ZNF341: variants seen among roughly 807,000 people sequenced by gnomAD.
ZNF341 encodes zinc finger protein 341.
A neutral mutation model predicts 87.7 loss-of-function variants in ZNF341; 52 were observed. The observed-to-expected ratio is 0.59, with a 90% CI of 0.47 to 0.75. The LOEUF is 0.75. ZNF341 is among the 30% of genes least tolerant of loss of function. The probability of loss-of-function intolerance (pLI) is 0.00; values close to 1 mark genes in which losing one functional copy is unlikely to be tolerated. For missense variants in ZNF341, 977 were observed against 1,145.9 expected (o/e 0.85, Z 2.13); for synonymous variants, 459 against 472.7 (o/e 0.97, Z 0.38).
chr20:33,746,314 A>G (rs941432295), intron 3 of ZNF341, among the ~76,000 whole-genome samples: 3 of 138,264 alleles, frequency 2.2e-5, no homozygotes, highest in Non-Finnish European at 4.6e-5. Context: ...GCTCACTGCA[A>G]CCTCCGCCTC....
At chr20:33,789,017 A>G (rs1235205192) in intron 13 of ZNF341, 43 bp downstream of exon 13, 4 of 1,371,920 alleles carry the variant, frequency 2.9e-6, no homozygotes, top group Non-Finnish European at 4.1e-6. Flanking sequence ...AGCGGGACAG[A>G]TTCTCCAGGG....
chr20:33,733,883 C>T (rs1245808217), intron 1 of ZNF341, among the ~76,000 whole-genome samples: 1 of 152,208 alleles, frequency 6.6e-6, no homozygotes, highest in African/African-American at 2.4e-5. Context: ...AATAAGATGA[C>T]CTCAGCTGGC....
intron 12 of ZNF341, chr20:33,787,590 T>C (rs966810657): frequency 1.3e-5 from 2 of 152,226 alleles, no homozygotes; most frequent in African/African-American, 4.8e-5. Context: ...TCCCTTGATT[T>C]CCTGTGGGTT....
intron 4 of ZNF341, chr20:33,752,652 CTTT>C (rs956277736): frequency 5.5e-3 from 958 of 174,680 alleles, no homozygotes; most frequent in South Asian, 0.013. Flanking sequence ...ATTTTCTTTT[CTTT>C]TTTTTTTTTT....
At chr20:33,750,621 T>G (rs1372622608) in intron 4 of ZNF341, among the ~76,000 whole-genome samples, 1 of 148,578 alleles carries the variant, frequency 6.7e-6, no homozygotes, top group Non-Finnish European at 1.5e-5. Context: ...GGTGCCAACA[T>G]ACTTGGCTAA....
At chr20:33,783,934 C>G (rs1601289389) in intron 12 of ZNF341, 70 bp downstream of exon 12, 37 of 1,423,668 alleles carry the variant, frequency 2.6e-5, no homozygotes, top group Non-Finnish European at 3.4e-5. Context: ...TCATGCCTTT[C>G]TCTCTCTTCC....
rs1867356494 is a variant in ZNF341 at position 33,732,662 on chromosome 20, C to T, written c.31+610C>T. Among the ~76,000 whole-genome samples the T allele has an allele frequency of 6.6e-6, 1 of 152,230 alleles. No individual in the cohort carries two copies. The highest frequency in any genetic ancestry group is 2.4e-5 in the African/African-American group (1 of 41,462). ...TGCAGTTTTACAAATTAAACTGACA[C>T]CGTGGGTGCTGGCGCGGTGTGCCCG... is the stretch of plus-strand genomic sequence containing the variant. On this transcript the variant is annotated intron_variant, in intron 1 of 14. Coordinates refer to ENST00000375200, the MANE Select transcript of ZNF341 (RefSeq NM_001282933.2). This position sits in a 1 kb window ranked among gnomAD's most constrained non-coding sequence, Gnocchi z 4.5.
intron 9 of ZNF341, among the ~76,000 whole-genome samples, chr20:33,769,382 G>C (rs1469638272): frequency 1.6e-4 from 24 of 149,934 alleles, no homozygotes; most frequent in Non-Finnish European, 3.4e-4. Context: ...TGGTGGGGGG[G>C]GGGGCAGTGG....
intron 4 of ZNF341, chr20:33,752,181 C>T: frequency 1.9e-6 from 1 of 522,954 alleles, no homozygotes; most frequent in Admixed American, 2.0e-5. Flanking sequence ...TTCTCATCCA[C>T]ATTGACTGTC....
chr20:33,769,749 A>G (rs1037286735), intron 9 of ZNF341, among the ~76,000 whole-genome samples: 1 of 152,162 alleles, frequency 6.6e-6, no homozygotes, highest in Non-Finnish European at 1.5e-5. Flanking sequence ...CGTCTCTACT[A>G]AAAATACAAA....
intron 7 of ZNF341, 120 bp downstream of exon 7, chr20:33,758,926 G>A: frequency 1.2e-6 from 1 of 811,764 alleles, no homozygotes; most frequent in South Asian, 1.6e-5. Context: ...GCACTTGCAT[G>A]TTCAGGCTGT....
chr20:33,761,806 G>A (rs2019296828), intron 7 of ZNF341, 56 bp from the exon 8 acceptor site: 1 of 1,381,122 alleles, frequency 7.2e-7, no homozygotes, highest in Non-Finnish European at 9.6e-7. Context: ...GAGCTCCTGG[G>A]CTGAGGCCTC....
At chr20:33,750,105 G>A (rs1194974927) in intron 4 of ZNF341, among the ~76,000 whole-genome samples, 1 of 152,116 alleles carries the variant, frequency 6.6e-6, no homozygotes, top group East Asian at 1.9e-4. Context: ...AAAATGCACA[G>A]TAGCTCCCTG....
At chr20:33,736,997 T>C (rs1253222289) in intron 1 of ZNF341, among the ~76,000 whole-genome samples, 1 of 151,500 alleles carries the variant, frequency 6.6e-6, no homozygotes, top group Non-Finnish European at 1.5e-5. Context: ...GAGAAGAGAG[T>C]AAAGGAGGCA....
At chr20:33,756,882 A>G (rs532074545) in intron 5 of ZNF341, among the ~76,000 whole-genome samples, 6 of 152,216 alleles carry the variant, frequency 3.9e-5, no homozygotes, top group Non-Finnish European at 5.9e-5. Context: ...AATTAAAAAG[A>G]TGCCTAAGGT....
chr20:33,753,213 G>C lies in ZNF341; in HGVS notation c.531G>C (p.Gln177His), dbSNP rs770298481. ...ATTCCGTGCCCAGCTACCTCACCCA[G>C]CCTCCACCTCCTCCTCCACCTCCTC... ...NMHSVPSYLT[Q>H]PPPPPPPPPP... The change falls in exon 5 of 15, where the codon CAG becomes CAC. Residue 177 changes from glutamine to histidine, a missense_variant. Physicochemically the swap from Gln to His is conservative, Grantham distance 24. This residue lies in a region of ZNF341 where 515 missense variants were observed against 598.2 expected (regional missense o/e 0.86). Transcript: ENST00000375200. The C allele has an allele frequency of 1.2e-6, 2 of 1,611,744 alleles. No individual in the cohort carries two copies. Among genetic ancestry groups the C allele is most frequent in the South Asian group, 2.2e-5 (2 of 90,952 alleles).
chr20:33,767,865 T>C (rs1269590811), intron 9 of ZNF341, among the ~76,000 whole-genome samples: 2 of 152,186 alleles, frequency 1.3e-5, no homozygotes, highest in African/African-American at 4.8e-5. Flanking sequence ...TATGTCACCA[T>C]AGACTCAGGC....
At chr20:33,760,349 G>A (rs1287261157) in intron 7 of ZNF341, among the ~76,000 whole-genome samples, 2 of 152,106 alleles carry the variant, frequency 1.3e-5, no homozygotes, top group Non-Finnish European at 2.9e-5. Flanking sequence ...GTTGCAGTGA[G>A]CTGAGATCGT....
intron 4 of ZNF341, 118 bp downstream of exon 4, chr20:33,749,190 G>C (rs1359937522): frequency 7.3e-7 from 1 of 1,376,580 alleles, no homozygotes; most frequent in African/African-American, 1.5e-5. Flanking sequence ...GATGCTGAGG[G>C]AGGCTATCAG....
Sources: gnomAD v4.1 joint callset for allele counts (sites outside exome capture counted in the v4.1 genomes callset) on GRCh38, gnomAD v4.1.1 for gene constraint, gnomAD v4.1.1 regional missense constraint, Gnocchi (gnomAD v3.1) non-coding constraint, MANE v1.5 for transcripts, NCBI Gene and HGNC (gene_info 2026-07-23, HGNC 2026-07-21) for gene names.